ZMIZ2: variants seen among roughly 807,000 people sequenced by gnomAD.
ZMIZ2 encodes zinc finger MIZ domain-containing protein 2.
A neutral mutation model predicts 93.9 loss-of-function variants in ZMIZ2; 26 were observed. The ratio of observed to expected loss-of-function variants is 0.28; its 90% CI spans 0.20 to 0.38. The LOEUF (loss-of-function observed/expected upper bound fraction) is 0.38, where lower values mean the gene tolerates loss of function less well. ZMIZ2 is among the 10% of genes least tolerant of loss of function. The pLI is 1.00. For synonymous variants in ZMIZ2, 485 were observed against 516.4 expected (o/e 0.94, Z 0.82); for missense variants, 1,023 against 1,235.0 (o/e 0.83, Z 2.57).
At chr7:44,760,303 C>A (rs549590593) in intron 8 of ZMIZ2, 75 bp downstream of exon 8, 6 of 1,563,920 alleles carry the variant, frequency 3.8e-6, no homozygotes, top group Non-Finnish European at 5.2e-6. Context: ...ACCGGGCAGG[C>A]ACCCCTGGGG....
In ZMIZ2 at chr7:44,766,477, C is replaced by T; in HGVS notation, c.2469C>T (p.His823=). Reference sequence around the variant, plus strand: ...ACAATCCTGGGACACCAGGACTACACACCTCCAACCTTGGGGCCCCTCCAG... The same window carrying T: ...ACAATCCTGGGACACCAGGACTACATACCTCCAACCTTGGGGCCCCTCCAG... ...PTHNPGTPGL[H]TSNLGAPPGP... is the part of the protein sequence containing the mutation. Residue 823 remains histidine, a synonymous_variant, in exon 18 of 19, where the codon CAC becomes CAT. Transcript: ENST00000309315. This position sits in a 1 kb window ranked among gnomAD's most constrained non-coding sequence, Gnocchi z 4.4. 1.2e-6 allele frequency: 2 copies of T among 1,614,212 alleles called. No individual in the cohort carries two copies. The highest frequency in any genetic ancestry group is 8.5e-7 in the Non-Finnish European group (1 of 1,180,034).
chr7:44,751,878 C>G (rs1488738914), intron 1 of ZMIZ2, among the ~76,000 whole-genome samples: 3 of 151,940 alleles, frequency 2.0e-5, no homozygotes, highest in Non-Finnish European at 4.4e-5. Context: ...AGGAGAATCG[C>G]TTGAACCTGG....
At position 44,766,521 on chromosome 7, in the gene ZMIZ2, C is replaced by G. The variant is rs1365258683; in HGVS notation, c.2513C>G (p.Ser838Ter). 6.2e-7 allele frequency: 1 copy of G among 1,614,148 alleles called. No individual in the cohort carries two copies. Among genetic ancestry groups the G allele is most frequent in the Admixed American group, 1.7e-5 (1 of 60,034 alleles). Residue 838 changes from serine (S) to a stop codon, truncating the protein, a stop_gained, in exon 18 of 19, where the codon TCA (serine) becomes TGA (stop). Coordinates refer to ENST00000309315, the MANE Select transcript of ZMIZ2 (RefSeq NM_031449.4). LOFTEE classifies it high-confidence loss of function. This position sits in a 1 kb window ranked among gnomAD's most constrained non-coding sequence, Gnocchi z 4.4. ...GAPPGPQLHHSNPPPASRQSL... is the reference protein window; with the variant it reads ...GAPPGPQLHH ...CCTCCAGGTCCCCAGCTGCACCATT[C>G]AAACCCTCCCCCAGCGTCCCGGCAG... is the stretch of plus-strand genomic sequence containing the variant.
At position 44,766,253 on chromosome 7, in the gene ZMIZ2, C is replaced by G; in HGVS notation, c.2332C>G (p.Pro778Ala). The change falls in exon 17 of 19, where the codon CCA becomes GCA. Residue 778 changes from proline (P) to alanine (A), a missense_variant. Physicochemically the swap from Pro to Ala is conservative, Grantham distance 27 (BLOSUM62 -1). Transcript: ENST00000309315. The surrounding 1 kb of genome is among the most constrained non-coding windows in gnomAD (Gnocchi z 4.4). ...TPTLAEFTPG[P>A]PPISYQSDIP... is the part of the protein sequence containing the mutation. ...AACCCTTGCTGAGTTCACCCCGGGA[C>G]CACCCCCCATCTCCTACCAGTCTGA... is the stretch of plus-strand genomic sequence containing the variant. 2.5e-6 allele frequency: 4 copies of G among 1,602,262 alleles called. No homozygotes were observed. The highest frequency in any genetic ancestry group is 3.4e-6 in the Non-Finnish European group (4 of 1,174,166).
Position 44,761,304 on chromosome 7 carries a change from C to A in ZMIZ2, c.1241-145C>A. ...CCCCAGCCCCAGGGCACCACTCAGG[C>A]CTGCCAAGCAGTGCCTGACAGGAGG... is the stretch of plus-strand genomic sequence containing the variant. On this transcript the variant is annotated intron_variant, in intron 9 of 18. Transcript: ENST00000309315. This position sits in a 1 kb window ranked among gnomAD's most constrained non-coding sequence, Gnocchi z 5.8. 7.5e-7 allele frequency: 1 copy of A among 1,330,274 alleles called. No homozygotes were observed. The highest frequency in any genetic ancestry group is 1.5e-5 in the South Asian group (1 of 68,290). 82.4% of individuals were successfully genotyped at this position (1,330,274 alleles called of 1,614,324 possible). A position where few individuals can be genotyped will look rare whatever the true frequency, so the allele number is the denominator to read the frequency against.
intron 1 of ZMIZ2, among the ~76,000 whole-genome samples, chr7:44,755,392 C>T (rs1245374692): frequency 6.6e-6 from 1 of 152,186 alleles, no homozygotes; most frequent in Non-Finnish European, 1.5e-5. Flanking sequence ...GGTCTGCCTG[C>T]CTGGCCCCTA....
intron 3 of ZMIZ2, 29 bp from the exon 4 acceptor site, chr7:44,756,918 T>G (rs776861228): frequency 1.2e-6 from 2 of 1,610,136 alleles, no homozygotes. Flanking sequence ...TTTGGCTGGT[T>G]CCCTTTGGTG....
Position 44,748,847 on chromosome 7 carries a change from A to G in ZMIZ2, c.-207A>G, listed in dbSNP as rs1789859396. 6.7e-6 allele frequency: 1 copy of G among 148,496 alleles called. No individual in the cohort carries two copies. The highest frequency in any genetic ancestry group is 6.7e-5 in the Admixed American group (1 of 14,876). The allele number at this position is 148,496 out of a possible 1,614,324, so 9.2% of individuals were successfully genotyped here. A position where few individuals can be genotyped will look rare whatever the true frequency, so the allele number is the denominator to read the frequency against. ...GCATGAGCGGCGCGGCGGCGGCTCCATTGTGCCCTCGGAGCGGGCGGCGGC... is the reference window on the plus strand; with the variant it reads ...GCATGAGCGGCGCGGCGGCGGCTCCGTTGTGCCCTCGGAGCGGGCGGCGGC... On this transcript the variant is annotated 5_prime_UTR_variant, in exon 1 of 19. Coordinates refer to ENST00000309315, the MANE Select transcript of ZMIZ2 (RefSeq NM_031449.4).
In ZMIZ2 at chr7:44,756,447, T is replaced by C. The variant is rs200119008; in HGVS notation, c.73T>C (p.Ser25Pro). 1.2e-6 allele frequency: 2 copies of C among 1,614,004 alleles called. No homozygotes were observed. Among genetic ancestry groups the C allele is most frequent in the East Asian group, 2.2e-5 (1 of 44,868 alleles). Residue 25 changes from serine (S) to proline (P), a missense_variant, in exon 3 of 19, where the codon TCT becomes CCT. Ser to Pro is a moderately conservative substitution (Grantham distance 74). This residue lies in a region of ZMIZ2 where 656 missense variants were observed against 777.1 expected (regional missense o/e 0.84). Transcript: ENST00000309315. The part of the protein sequence containing the change: ...PHGDGSFAYE[S>P]VPWQQSATQP... ...CAGTGATGGTTCATTCGCATATGAG[T>C]CTGTGCCTTGGCAACAAAGCGCCAC...
intron 1 of ZMIZ2, among the ~76,000 whole-genome samples, chr7:44,752,569 C>T (rs1333132059): frequency 6.6e-6 from 1 of 152,312 alleles, no homozygotes; most frequent in East Asian, 1.9e-4. Flanking sequence ...CTCCATTTCC[C>T]TAATTTTGGT....
Position 44,758,237 on chromosome 7 carries a change from T to C in ZMIZ2, c.813+129T>C, listed in dbSNP as rs6955271. ...GCTCACGCCTGTAGTCCCTGCACTT[T>C]GGGAAACCAAGGAGGGTGGATCCCT... On this transcript the variant is annotated intron_variant, in intron 6 of 18. Transcript: ENST00000309315. 7.2e-6 allele frequency: 9 copies of C among 1,251,340 alleles called. No homozygotes were observed. In the African/African-American group the frequency reaches 1.1e-4, roughly 15 times the overall value. The allele number at this position is 1,251,340 out of a possible 1,614,324, so 77.5% of individuals were successfully genotyped here.
Position 44,765,412 on chromosome 7 carries a change from A to G in ZMIZ2, c.2075A>G (p.Lys692Arg), listed in dbSNP as rs1791604143. 6.2e-7 allele frequency: 1 copy of G among 1,612,412 alleles called. No individual in the cohort carries two copies. The highest frequency in any genetic ancestry group is 8.5e-7 in the Non-Finnish European group (1 of 1,179,982). The change falls in exon 16 of 19, where the codon AAG becomes AGG. Residue 692 changes from lysine (K) to arginine (R), a missense_variant. Physicochemically the swap from Lys to Arg is conservative, Grantham distance 26 (BLOSUM62 2). Coordinates refer to ENST00000309315, the MANE Select transcript of ZMIZ2 (RefSeq NM_031449.4). This position sits in a 1 kb window ranked among gnomAD's most constrained non-coding sequence, Gnocchi z 4.1. ...CCCGTGAAGCCTGACATGCACATCAAGGAGGAGCCGGATGGGCCAGCACTG... is the reference window on the plus strand; with the variant it reads ...CCCGTGAAGCCTGACATGCACATCAGGGAGGAGCCGGATGGGCCAGCACTG... ...PVPVKPDMHI[K>R]EEPDGPALKR...
At chr7:44,749,177 A>G (rs1341954602) in intron 1 of ZMIZ2, among the ~76,000 whole-genome samples, 186 bp downstream of exon 1, 1 of 151,930 alleles carries the variant, frequency 6.6e-6, no homozygotes, top group Non-Finnish European at 1.5e-5. Flanking sequence ...GGCTGGGGCT[A>G]GAGGCTCTGC....
intron 7 of ZMIZ2, chr7:44,759,845 C>G: frequency 2.0e-6 from 1 of 499,874 alleles, no homozygotes; most frequent in Non-Finnish European, 3.6e-6. Flanking sequence ...TCGCTGCTGG[C>G]CATGTACCCT....
rs989694219 is a variant in ZMIZ2 at position 44,762,925 on chromosome 7, C to T, written c.1641C>T (p.Arg547=). The change falls in exon 12 of 19, where the codon CGC becomes CGT. Residue 547 remains arginine, a synonymous_variant. Coordinates refer to ENST00000309315, the MANE Select transcript of ZMIZ2 (RefSeq NM_031449.4). ...AGCTAGTGCACCGCCCATCCGTCCG[C>T]TCGGTGCTGCAGGGCCTCCTCAAAA... ...VLQLVHRPSV[R]SVLQGLLKKR... The T allele has an allele frequency of 6.2e-7, 1 of 1,613,158 alleles. No individual in the cohort carries two copies. Among genetic ancestry groups the T allele is most frequent in the Non-Finnish European group, 8.5e-7 (1 of 1,179,382 alleles).
At chr7:44,762,167 CAG>C (rs983540986) in intron 11 of ZMIZ2, among the ~76,000 whole-genome samples, 34 of 152,228 alleles carry the variant, frequency 2.2e-4, no homozygotes, top group Non-Finnish European at 8.8e-5. Flanking sequence ...TTTATTATTT[CAG>C]AAAAATGCGT....
Position 44,757,292 on chromosome 7 carries a change from C to T in ZMIZ2, c.369-86C>T, listed in dbSNP as rs535697545. ...AGGGTCTAGAAAGAATGGGCTCCCC[C>T]TGGGTGCTGCATGCCTCTGGGGTGA... On this transcript the variant is annotated intron_variant, in intron 4 of 18. Coordinates refer to ENST00000309315, the MANE Select transcript of ZMIZ2 (RefSeq NM_031449.4). The T allele has an allele frequency of 2.6e-6, 4 of 1,539,972 alleles. No homozygotes were observed. In the South Asian group the frequency reaches 3.5e-5, roughly 14 times the overall value.
intron 1 of ZMIZ2, among the ~76,000 whole-genome samples, chr7:44,754,991 G>A (rs1158142428): frequency 1.3e-5 from 2 of 152,188 alleles, no homozygotes; most frequent in African/African-American, 4.8e-5. Flanking sequence ...GGGCTCCAGG[G>A]CATGTCTGGG....
chr7:44,752,590 T>C (rs574364364), intron 1 of ZMIZ2, among the ~76,000 whole-genome samples: 2 of 152,322 alleles, frequency 1.3e-5, no homozygotes, highest in Admixed American at 6.5e-5. Context: ...GTGTCAAGAA[T>C]GCTAAATAAA....
Sources: gnomAD v4.1 joint callset for allele counts (sites outside exome capture counted in the v4.1 genomes callset) on GRCh38, gnomAD v4.1.1 for gene constraint, gnomAD v4.1.1 regional missense constraint, Gnocchi (gnomAD v3.1) non-coding constraint, MANE v1.5 for transcripts, NCBI Gene and HGNC (gene_info 2026-07-23, HGNC 2026-07-21) for gene names.